UBAP2L: variants seen among roughly 807,000 people sequenced by gnomAD.
UBAP2L encodes ubiquitin-associated protein 2-like.
Under a neutral mutation model 130.6 loss-of-function variants are expected in UBAP2L, and 12 were observed. That is an observed-to-expected ratio of 0.09 (90% CI 0.06 to 0.15). The LOEUF is 0.15. UBAP2L is among the 10% of genes least tolerant of loss of function. The probability of loss-of-function intolerance (pLI) is 1.00; values close to 1 mark genes in which losing one functional copy is unlikely to be tolerated. For missense variants in UBAP2L, 965 were observed against 1,332.5 expected, an observed-to-expected ratio of 0.72 and a Z score of 4.29; for synonymous variants, 503 against 524.7, an observed-to-expected ratio of 0.96 and a Z score of 0.57.
In UBAP2L at chr1:154,261,015, C is replaced by G; in HGVS notation, c.2702C>G (p.Ala901Gly). Residue 901 changes from alanine to glycine, a missense_variant, in exon 23 of 27, where the codon GCG becomes GGG. This residue lies in a region of UBAP2L where 194 missense variants were observed against 334.0 expected (regional missense o/e 0.58). Transcript: ENST00000428931. The stretch of plus-strand genomic sequence containing the variant: ...ACGCAGCAGACATTCCTGAACCCGG[C>G]GCTGCCTCCTGGCTACAGTTACACC... ...HTTQQTFLNP[A>G]LPPGYSYTSL... The G allele has an allele frequency of 6.2e-7, 1 of 1,614,204 alleles. No individual in the cohort carries two copies. Among genetic ancestry groups the G allele is most frequent in the Non-Finnish European group, 8.5e-7 (1 of 1,180,038 alleles).
At chr1:154,262,317 G>A (rs1215434316) in intron 24 of UBAP2L, among the ~76,000 whole-genome samples, 4 of 152,252 alleles carry the variant, frequency 2.6e-5, no homozygotes, top group African/African-American at 9.6e-5. Context: ...GTGATGGCAG[G>A]GAGGGAATTG....
chr1:154,237,734 T>C (rs12026615), intron 8 of UBAP2L, among the ~76,000 whole-genome samples: 15,601 of 152,248 alleles, frequency 0.1, 1,333 homozygotes, highest in East Asian at 0.44. Context: ...GGTGCCCTGT[T>C]GAACAGCCTT....
chr1:154,236,479 C>T (rs1053412339), intron 6 of UBAP2L, 87 bp from the exon 7 acceptor site: 68 of 1,423,724 alleles, frequency 4.8e-5, no homozygotes, highest in Non-Finnish European at 6.1e-5. Flanking sequence ...GGATTACCAC[C>T]GGGAGCCACT....
intron 21 of UBAP2L, chr1:154,259,667 G>A (rs540768996): frequency 1.3e-4 from 68 of 506,518 alleles, no homozygotes; most frequent in Middle Eastern, 1.2e-3. Context: ...TAAACTGATA[G>A]GGATGACACC....
At chr1:154,236,536 TC>T (rs746551677) in intron 6 of UBAP2L, 29 bp from the exon 7 acceptor site, 16 of 1,613,390 alleles carry the variant, frequency 9.9e-6, no homozygotes, top group Non-Finnish European at 1.4e-5. Flanking sequence ...AAAATACATC[TC>T]TCTTCTCTTT....
chr1:154,227,209 T>A (rs1240561616), intron 2 of UBAP2L, 73 bp from the exon 3 acceptor site: 12 of 1,351,614 alleles, frequency 8.9e-6, no homozygotes, highest in Non-Finnish European at 1.3e-5. Context: ...CAGTGGAGGC[T>A]GACGAAATAG....
intron 25 of UBAP2L, among the ~76,000 whole-genome samples, chr1:154,267,880 C>CTGTTTTTTTTTTTTT (rs1683763970): frequency 1.9e-5 from 1 of 52,056 alleles, no homozygotes; most frequent in Non-Finnish European, 3.6e-5. Flanking sequence ...CTTATTTGGT[C>CTGTTTTTTTTTTTTT]TTTTTTTTTT....
At chr1:154,263,528 T>A in intron 24 of UBAP2L, 1 of 1,027,966 alleles carries the variant, frequency 9.7e-7, no homozygotes, top group Middle Eastern at 4.7e-4. Context: ...TCCGTGCATG[T>A]CTTTGTGGAC....
chr1:154,255,467 T>G, intron 17 of UBAP2L, 141 bp downstream of exon 17: 1 of 1,251,890 alleles, frequency 8.0e-7, no homozygotes, highest in South Asian at 1.4e-5. Context: ...CTGTGGGAAG[T>G]GAAGACAGAG....
At chr1:154,220,390 G>C (rs1270584250), upstream of UBAP2L, 4 of 1,614,238 alleles carry the variant, frequency 2.5e-6, no homozygotes, top group East Asian at 4.5e-5. Flanking sequence ...CGGAGAGCCA[G>C]TTACTGCCGG....
At chr1:154,231,411 C>T (rs1669801275) in intron 4 of UBAP2L, among the ~76,000 whole-genome samples, 2 of 151,826 alleles carry the variant, frequency 1.3e-5, no homozygotes, top group Admixed American at 6.6e-5. Context: ...AGCGTTTTTC[C>T]CACCTCAGCC....
chr1:154,241,444 T>G, intron 8 of UBAP2L, 69 bp from the exon 9 acceptor site: 4 of 1,501,886 alleles, frequency 2.7e-6, no homozygotes, highest in Non-Finnish European at 3.7e-6. Flanking sequence ...AATACATTGA[T>G]GTTTTCTATA....
At position 154,236,605 on chromosome 1, in the gene UBAP2L, G is replaced by C; in HGVS notation, c.584G>C (p.Gly195Ala). The C allele has an allele frequency of 6.2e-7, 1 of 1,614,014 alleles. No individual in the cohort carries two copies. The highest frequency in any genetic ancestry group is 8.5e-7 in the Non-Finnish European group (1 of 1,179,992). ...GRRGGRFSAQ[G>A]MGTFNPADYA... The stretch of plus-strand genomic sequence containing the variant: ...CGAGGAGGAAGGTTTTCTGCTCAAG[G>C]AATGGGGTAAGTTTCATTGATCTAG... Residue 195 changes from glycine (G) to alanine (A), a missense_variant, in exon 7 of 27, where the codon GGA becomes GCA. Physicochemically the swap from Gly to Ala is moderately conservative, Grantham distance 60. Coordinates refer to ENST00000428931, the MANE Select transcript of UBAP2L (RefSeq NM_014847.4).
At chr1:154,266,387 C>A (rs1571979890) in intron 24 of UBAP2L, 114 bp from the exon 25 acceptor site, 2 of 1,171,220 alleles carry the variant, frequency 1.7e-6, no homozygotes, top group Non-Finnish European at 1.3e-6. Flanking sequence ...GAAAACCGAC[C>A]AAAATTCCCT....
Position 154,263,045 on chromosome 1 carries a change from C to A in UBAP2L, c.2902+1348C>A. The A allele has an allele frequency of 2.6e-6, 4 of 1,526,342 alleles. No homozygotes were observed. The South Asian group carries it at 4.9e-5, about 19-fold the overall frequency. The allele number at this position is 1,526,342 out of a possible 1,614,324, so 94.5% of individuals were successfully genotyped here. A position where few individuals can be genotyped will look rare whatever the true frequency, so the allele number is the denominator to read the frequency against. ...CCCTTGAGAACCCCCAGTTCCCAAC[C>A]CCACAAAGGGCTTTTGTCATTCCAT... is the stretch of plus-strand genomic sequence containing the variant. On this transcript the variant is annotated intron_variant, in intron 24 of 26. Transcript: ENST00000428931.
chr1:154,243,074 A>G (rs1341452079), intron 9 of UBAP2L, 143 bp from the exon 10 acceptor site: 4 of 633,134 alleles, frequency 6.3e-6, no homozygotes, highest in African/African-American at 3.7e-5. Context: ...TTGAAAGTCA[A>G]TCCATTCAGG....
At position 154,255,663 on chromosome 1, in the gene UBAP2L, A is replaced by T. The variant is rs1434379251; in HGVS notation, c.2085-20A>T. On this transcript the variant is annotated intron_variant, in intron 17 of 26. Coordinates refer to ENST00000428931, the MANE Select transcript of UBAP2L (RefSeq NM_014847.4). ...TAACTATAGCACTATGGCTGATGGC[A>T]GCCTCTTTTTTTCTGACAGCACGTT... 4.3e-6 allele frequency: 7 copies of T among 1,613,816 alleles called. No homozygotes were observed. Among genetic ancestry groups the T allele is most frequent in the Non-Finnish European group, 5.9e-6 (7 of 1,179,796 alleles).
chr1:154,223,528 T>C (rs1182484187), intron 1 of UBAP2L, among the ~76,000 whole-genome samples: 2 of 152,178 alleles, frequency 1.3e-5, no homozygotes, highest in East Asian at 3.8e-4. Context: ...TAAACATTTT[T>C]TTTTTTTGTA....
chr1:154,260,041 A>G lies in UBAP2L; in HGVS notation c.2578+12A>G. 1.2e-6 allele frequency: 2 copies of G among 1,612,886 alleles called. No individual in the cohort carries two copies. Among genetic ancestry groups the G allele is most frequent in the South Asian group, 1.1e-5 (1 of 91,058 alleles). On this transcript the variant is annotated intron_variant, in intron 22 of 26. Coordinates refer to ENST00000428931, the MANE Select transcript of UBAP2L (RefSeq NM_014847.4). ...CAACCCTTATTCTGGTAGGATTGGGATGGGACTAAATAAATAAAAAGGGAG... is the reference window on the plus strand; with the variant it reads ...CAACCCTTATTCTGGTAGGATTGGGGTGGGACTAAATAAATAAAAAGGGAG...
Sources: allele counts gnomAD v4.1 joint callset (sites outside exome capture counted in the v4.1 genomes callset), GRCh38; gene constraint gnomAD v4.1.1; regional missense constraint gnomAD v4.1.1; transcripts MANE v1.5; gene names NCBI Gene and HGNC (gene_info 2026-07-23, HGNC 2026-07-21).